PLCH2: variants seen among roughly 807,000 people sequenced by gnomAD.
The protein encoded by PLCH2 is 1-phosphatidylinositol 4,5-bisphosphate phosphodiesterase eta-2.
In PLCH2, 98 loss-of-function variants were observed where a neutral mutation model predicts 134.7. That is an observed-to-expected ratio of 0.73 (90% CI 0.62 to 0.86). PLCH2 has a LOEUF of 0.86. PLCH2 is among the 40% of genes least tolerant of loss of function. The pLI is 0.00. For missense variants in PLCH2, 1,994 were observed against 1,986.6 expected (o/e 1.00, Z -0.07); for synonymous variants, 974 against 827.5 (o/e 1.18, Z -3.04).
intron 2 of PLCH2, among the ~76,000 whole-genome samples, chr1:2,457,774 A>G (rs1292582103): frequency 6.6e-6 from 1 of 151,874 alleles, no homozygotes; most frequent in Admixed American, 6.5e-5. Context: ...GTGGAACATG[A>G]ACCATCCCGG....
chr1:2,467,517 G>C (rs1641119656), exon 1 of PLCH2: 3 of 397,716 alleles, frequency 7.5e-6, no homozygotes, highest in African/African-American at 6.2e-5. Context: ...CTCTGCGCGC[G>C]GGGTGCCCCT....
the PLCH2 span, among the ~76,000 whole-genome samples, chr1:2,416,171 C>T: frequency 6.6e-6 from 1 of 152,304 alleles, no homozygotes; most frequent in East Asian, 1.9e-4. Flanking sequence ...TGGCACCCAG[C>T]GGTCGCTCAG....
chr1:2,478,966 T>A, intron 2 of PLCH2: 1 of 316,236 alleles, frequency 3.2e-6, no homozygotes, highest in East Asian at 5.4e-5. Context: ...CACAGAGGTA[T>A]GCTGATGGAT....
intron 2 of PLCH2, among the ~76,000 whole-genome samples, chr1:2,452,249 G>T (rs372791805): frequency 6.6e-6 from 1 of 152,214 alleles, no homozygotes; most frequent in African/African-American, 2.4e-5. Flanking sequence ...GGAGCAATCC[G>T]GAGGTTCTCC....
intron 2 of PLCH2, among the ~76,000 whole-genome samples, chr1:2,437,754 T>C (rs527882514): frequency 1.8e-4 from 27 of 152,288 alleles, no homozygotes; most frequent in African/African-American, 4.6e-4. Flanking sequence ...ACCACACACA[T>C]ACGTGCACAC....
upstream of PLCH2, among the ~76,000 whole-genome samples, chr1:2,464,028 G>T (rs1311613628): frequency 6.6e-6 from 1 of 152,266 alleles, no homozygotes; most frequent in African/African-American, 2.4e-5. Flanking sequence ...CTTGCTGGCA[G>T]CCCCAGAGGA....
At chr1:2,429,800 C>T (rs906985590) in intron 1 of PLCH2, among the ~76,000 whole-genome samples, 7 of 152,130 alleles carry the variant, frequency 4.6e-5, no homozygotes, top group Admixed American at 1.3e-4. Context: ...GGCTCCTCCT[C>T]GGGGCCGTGG....
chr1:2,419,693 C>T, the PLCH2 span, among the ~76,000 whole-genome samples: 4 of 152,104 alleles, frequency 2.6e-5, no homozygotes, highest in Admixed American at 6.5e-5. Context: ...TCCACAGACC[C>T]GGGGGCCAGC....
chr1:2,483,298 G>A (rs1011892441), intron 4 of PLCH2, among the ~76,000 whole-genome samples: 6 of 152,130 alleles, frequency 3.9e-5, no homozygotes, highest in African/African-American at 9.7e-5. Context: ...TGATCAGCCC[G>A]TCCCATCTCT....
At chr1:2,420,742 C>T in the PLCH2 span, among the ~76,000 whole-genome samples, 5 of 152,210 alleles carry the variant, frequency 3.3e-5, no homozygotes, top group African/African-American at 9.7e-5. Flanking sequence ...CTGTGGGAGT[C>T]GCTCCTCTCT....
At chr1:2,445,613 T>G (rs1005062767) in intron 2 of PLCH2, among the ~76,000 whole-genome samples, 1 of 150,396 alleles carries the variant, frequency 6.6e-6, no homozygotes, top group Non-Finnish European at 1.5e-5. Context: ...GCCCCTCCTG[T>G]GGGTGACCAG....
rs1381535833 is a variant in PLCH2, at chr1:2,487,711, A to G, written c.1228A>G (p.Lys410Glu). The change falls in exon 8 of 22, where the codon AAG becomes GAG. Residue 410 changes from lysine (K) to glutamate (E), a missense_variant. Transcript: ENST00000378486. ...IETINKYAFI[K>E]NEYPVILSIE... ...AACCATCAACAAATATGCCTTCATC[A>G]AGAATGAGTGAGTGGCTGGGCCTAG... is the stretch of plus-strand genomic sequence containing the variant. 2 of 1,613,034 alleles carry G rather than the reference A, an allele frequency of 1.2e-6. No individual in the cohort carries two copies. The highest frequency in any genetic ancestry group is 1.7e-6 in the Non-Finnish European group (2 of 1,179,764).
Position 2,498,386 on chromosome 1 carries a change from GCCTCCCTC to G in PLCH2, c.2225-130_2225-123del. ...CCCCGAGGTGCCCCCCTGGACCACTGCCTCCCTCCCTCCCCCTGGCACCGGCTCCAGTC... is the reference window on the plus strand; with the variant it reads ...CCCCGAGGTGCCCCCCTGGACCACTGCCTCCCCCTGGCACCGGCTCCAGTC... On this transcript the variant is annotated intron_variant, in intron 16 of 21. Transcript: ENST00000378486. This position sits in a 1 kb window ranked among gnomAD's most constrained non-coding sequence, Gnocchi z 5.4. 1 of 971,092 alleles carries G rather than the reference GCCTCCCTC, an allele frequency of 1.0e-6. No individual in the cohort carries two copies. The highest frequency in any genetic ancestry group is 1.5e-6 in the Non-Finnish European group (1 of 665,026). 60.2% of individuals were successfully genotyped at this position (971,092 alleles called of 1,614,324 possible). A position where few individuals can be genotyped will look rare whatever the true frequency, so the allele number is the denominator to read the frequency against.
At chr1:2,426,415 C>T (rs754819360) in intron 1 of PLCH2, among the ~76,000 whole-genome samples, 1 of 152,268 alleles carries the variant, frequency 6.6e-6, no homozygotes, top group Non-Finnish European at 1.5e-5. Context: ...GGGTGTCCCC[C>T]ACCCCATGGC....
chr1:2,453,099 C>T (rs1222687494), intron 2 of PLCH2, among the ~76,000 whole-genome samples: 2 of 152,120 alleles, frequency 1.3e-5, no homozygotes, highest in African/African-American at 2.4e-5. Flanking sequence ...TCCTCACCAC[C>T]TCCACCCAGG....
chr1:2,499,314 C>A, intron 19 of PLCH2, 84 bp downstream of exon 19: 1 of 1,491,700 alleles, frequency 6.7e-7, no homozygotes, highest in Non-Finnish European at 9.2e-7. Flanking sequence ...TGAGTCAGTG[C>A]CTGTGTAGGT....
At chr1:2,475,698 C>A (rs901195044), upstream of PLCH2, among the ~76,000 whole-genome samples, 1 of 152,228 alleles carries the variant, frequency 6.6e-6, no homozygotes, top group Non-Finnish European at 1.5e-5. Context: ...CCACCTCCTC[C>A]GCCACAGCTC....
chr1:2,474,476 A>T (rs1223672002), upstream of PLCH2, among the ~76,000 whole-genome samples: 1 of 152,026 alleles, frequency 6.6e-6, no homozygotes, highest in Non-Finnish European at 1.5e-5. Context: ...CCTGGGGTGC[A>T]GGAGCCTGGG....
chr1:2,470,908 C>T (rs1018325313), intron 1 of PLCH2, among the ~76,000 whole-genome samples: 1 of 152,214 alleles, frequency 6.6e-6, no homozygotes. Flanking sequence ...GTGCACCTGC[C>T]TTCAGAGAGC....
Sources: allele counts gnomAD v4.1 joint callset (sites outside exome capture counted in the v4.1 genomes callset), GRCh38; gene constraint gnomAD v4.1.1; non-coding constraint Gnocchi (gnomAD v3.1); transcripts MANE v1.5; gene names NCBI Gene and HGNC (gene_info 2026-07-23, HGNC 2026-07-21).